Variants in PCDHGB4 observed in about 807,000 individuals in gnomAD.
PCDHGB4 encodes protocadherin gamma subfamily B, 4.
PCDHGB4 carries 38 observed loss-of-function variants against 60.5 expected under a neutral mutation model. The observed-to-expected ratio is 0.63, with a 90% CI of 0.48 to 0.82. The LOEUF (loss-of-function observed/expected upper bound fraction) is 0.82. PCDHGB4 is among the 40% of genes least tolerant of loss of function. The probability of loss-of-function intolerance (pLI) is 0.00; values close to 1 mark genes in which losing one functional copy is unlikely to be tolerated. For missense variants in PCDHGB4, 1,109 were observed against 1,209.6 expected, an observed-to-expected ratio of 0.92 and a Z score of 1.23; for synonymous variants, 456 against 509.7, an observed-to-expected ratio of 0.89 and a Z score of 1.42.
intron 1 of PCDHGB4, chr5:141,415,756 T>G (rs756759295): frequency 1.5e-4 from 214 of 1,386,812 alleles, no homozygotes; most frequent in African/African-American, 5.9e-4. Flanking sequence ...TTTTTTTTTT[T>G]TTTTTTTTTT....
At chr5:141,480,703 C>G (rs577131684) in intron 1 of PCDHGB4, among the ~76,000 whole-genome samples, 1 of 152,134 alleles carries the variant, frequency 6.6e-6, no homozygotes, top group African/African-American at 2.4e-5. Context: ...GGCCACACCC[C>G]GACAAATGAA....
chr5:141,393,622 A>C (rs776047060), intron 1 of PCDHGB4: 1 of 1,613,960 alleles, frequency 6.2e-7, no homozygotes, highest in Admixed American at 1.7e-5. Context: ...AGCGACCCGG[A>C]TGAGGGAATC....
chr5:141,455,924 G>A (rs2098837630), intron 1 of PCDHGB4, among the ~76,000 whole-genome samples: 1 of 149,978 alleles, frequency 6.7e-6, no homozygotes. Flanking sequence ...TTGAGACGGA[G>A]TCTCGCTCTG....
intron 1 of PCDHGB4, chr5:141,400,386 A>G (rs766907172): frequency 5.0e-6 from 8 of 1,614,040 alleles, no homozygotes; most frequent in Non-Finnish European, 5.1e-6. Context: ...TATGTGTTGC[A>G]CATACAGGAA....
chr5:141,393,910 T>C, intron 1 of PCDHGB4: 1 of 1,613,998 alleles, frequency 6.2e-7, no homozygotes, highest in Admixed American at 1.7e-5. Flanking sequence ...GGGACAGTAA[T>C]TGCCTTCTTG....
intron 1 of PCDHGB4, among the ~76,000 whole-genome samples, chr5:141,474,922 C>G (rs748864870): frequency 3.9e-5 from 6 of 152,238 alleles, no homozygotes; most frequent in Non-Finnish European, 8.8e-5. Flanking sequence ...CATCTCATCT[C>G]TGGCTTATAT....
At chr5:141,398,611 A>C (rs2093677658) in intron 1 of PCDHGB4, 3 of 1,613,944 alleles carry the variant, frequency 1.9e-6, no homozygotes, top group Non-Finnish European at 2.5e-6. Flanking sequence ...AGATGCAGAT[A>C]TTGGCTTAAA....
At chr5:141,409,219 T>A in intron 1 of PCDHGB4, 1 of 1,614,022 alleles carries the variant, frequency 6.2e-7, no homozygotes, top group Non-Finnish European at 8.5e-7. Context: ...AAATCCTTGA[T>A]GAAAACGACA....
chr5:141,438,627 TATATATATACACAC>T (rs1407400493), intron 1 of PCDHGB4, among the ~76,000 whole-genome samples: 2,053 of 47,724 alleles, frequency 0.043, 22 homozygotes, highest in African/African-American at 0.13. Context: ...TATATATATA[TATATATATACACAC>T]ACACACACAC....
chr5:141,403,196 G>C lies in PCDHGB4; in HGVS notation c.2397+12915G>C, dbSNP rs762413220. 13 of 1,613,868 alleles carry C rather than the reference G, an allele frequency of 8.1e-6. No individual in the cohort carries two copies. The highest frequency in any genetic ancestry group is 1.6e-4 in the Middle Eastern group (1 of 6,078). On this transcript the variant is annotated intron_variant, in intron 1 of 3. Transcript: ENST00000519479. ...GCTTTTCTCTCTGAACCCGCGCAGC[G>C]GCACCTTGGTCACCGCGGGTAGGAT...
chr5:141,421,927 C>T (rs1179128418), intron 1 of PCDHGB4: 2 of 1,613,396 alleles, frequency 1.2e-6, no homozygotes, highest in African/African-American at 2.7e-5. Flanking sequence ...TGTGGTGGTC[C>T]TCGATGTAAA....
chr5:141,459,581 G>A (rs945690319), intron 1 of PCDHGB4, among the ~76,000 whole-genome samples: 1 of 152,138 alleles, frequency 6.6e-6, no homozygotes, highest in Non-Finnish European at 1.5e-5. Flanking sequence ...AATTGTTTTG[G>A]GGGTCATATG....
intron 1 of PCDHGB4, chr5:141,403,221 T>G (rs899056141): frequency 1.3e-5 from 21 of 1,613,974 alleles, no homozygotes; most frequent in Non-Finnish European, 1.8e-5. Flanking sequence ...GCGGGTAGGA[T>G]AGACCGGGAG....
chr5:141,422,919 G>C (rs1445179310), intron 1 of PCDHGB4: 9 of 1,614,120 alleles, frequency 5.6e-6, no homozygotes, highest in Non-Finnish European at 6.8e-6. Context: ...CCGAGATCCT[G>C]TACCCTGCCC....
chr5:141,418,244 C>G (rs746986702), intron 1 of PCDHGB4: 1 of 1,613,980 alleles, frequency 6.2e-7, no homozygotes. Flanking sequence ...TGTTAATGAC[C>G]ACGCCCCTCA....
At chr5:141,421,966 G>A in intron 1 of PCDHGB4, 1 of 1,610,918 alleles carries the variant, frequency 6.2e-7, no homozygotes, top group Non-Finnish European at 8.5e-7. Flanking sequence ...TACACAGTCC[G>A]TATATCGCGT....
chr5:141,489,297 G>T lies in PCDHGB4; in HGVS notation c.2398-5510G>T. On this transcript the variant is annotated intron_variant, in intron 1 of 3. Transcript: ENST00000519479. This position sits in a 1 kb window ranked among gnomAD's most constrained non-coding sequence, Gnocchi z 4.5. Reference sequence around the variant, plus strand: ...GGAAATGGCAAGTGCTGTGCATGTTGTCCTTGTGCTGCTGGGGCTGGGTGT... The same window carrying T: ...GGAAATGGCAAGTGCTGTGCATGTTTTCCTTGTGCTGCTGGGGCTGGGTGT... 1.9e-6 allele frequency: 3 copies of T among 1,583,774 alleles called. No homozygotes were observed. Among genetic ancestry groups the T allele is most frequent in the Non-Finnish European group, 8.6e-7 (1 of 1,164,904 alleles).
At chr5:141,510,040 G>A (rs2099879305) in intron 3 of PCDHGB4, among the ~76,000 whole-genome samples, 1 of 152,220 alleles carries the variant, frequency 6.6e-6, no homozygotes, top group Non-Finnish European at 1.5e-5. Flanking sequence ...GTTATGTAGA[G>A]GTTAAAAGTG....
chr5:141,497,210 G>T (rs988856908), intron 2 of PCDHGB4, among the ~76,000 whole-genome samples: 1 of 28,140 alleles, frequency 3.6e-5, no homozygotes, highest in African/African-American at 1.1e-3. Context: ...TGAGTGTAAT[G>T]GGGGGGGGAA....
Sources: gnomAD v4.1 joint callset for allele counts (sites outside exome capture counted in the v4.1 genomes callset) on GRCh38, gnomAD v4.1.1 for gene constraint, Gnocchi (gnomAD v3.1) non-coding constraint, MANE v1.5 for transcripts, NCBI Gene and HGNC (gene_info 2026-07-23, HGNC 2026-07-21) for gene names.